NADK2: variants seen among roughly 807,000 people sequenced by gnomAD.
NADK2 encodes the protein NAD kinase domain-containing protein 1, mitochondrial.
A neutral mutation model predicts 62.1 loss-of-function variants in NADK2; 35 were observed. The observed-to-expected ratio is 0.56, with a 90% CI of 0.43 to 0.75. The LOEUF is 0.75. NADK2 is among the 30% of genes least tolerant of loss of function. The pLI, the probability that NADK2 is intolerant of heterozygous loss-of-function variation, is 0.00. For missense variants in NADK2, 439 were observed against 561.3 expected (o/e 0.78, Z 2.20); for synonymous variants, 205 against 207.9 (o/e 0.99, Z 0.12).
At chr5:36,199,617 A>G (rs992019059) in intron 10 of NADK2, among the ~76,000 whole-genome samples, 1 of 152,208 alleles carries the variant, frequency 6.6e-6, no homozygotes, top group Non-Finnish European at 1.5e-5. Context: ...AATTTAAAGA[A>G]TACATTTGAA....
At chr5:36,211,992 A>G (rs1746865991) in intron 6 of NADK2, 70 bp from the exon 7 acceptor site, 4 of 1,121,408 alleles carry the variant, frequency 3.6e-6, no homozygotes, top group Non-Finnish European at 5.3e-6. Context: ...TAAAAATTTT[A>G]TAAAACACTA....
intron 4 of NADK2, chr5:36,221,337 A>C (rs945076403): frequency 1.3e-5 from 2 of 152,330 alleles, no homozygotes; most frequent in African/African-American, 4.8e-5. Flanking sequence ...GCTGACATCT[A>C]CTTATCCTCA....
rs1746090224 is a variant in NADK2, at chr5:36,193,334, G to A, written c.*1810C>T. ...TACTAAAAATACAAAAAATTAGCCAGGCATAGTGGTGCCTGCCTGTAATCC... is the reference window on the plus strand; with the variant it reads ...TACTAAAAATACAAAAAATTAGCCAAGCATAGTGGTGCCTGCCTGTAATCC... On this transcript the variant is annotated 3_prime_UTR_variant, in exon 12 of 12. Coordinates refer to ENST00000381937, the MANE Select transcript of NADK2 (RefSeq NM_001085411.3). 6.6e-6 allele frequency: 1 copy of A among 152,074 alleles called. No homozygotes were observed. The allele number at this position is 152,074 out of a possible 1,614,324, so 9.4% of individuals were successfully genotyped here.
At chr5:36,231,377 T>C (rs973783796) in intron 1 of NADK2, among the ~76,000 whole-genome samples, 2 of 152,232 alleles carry the variant, frequency 1.3e-5, no homozygotes, top group African/African-American at 4.8e-5. Context: ...AGCAGAAATG[T>C]CAGTTCATAA....
At position 36,193,436 on chromosome 5, in the gene NADK2, T is replaced by TGCAGTCCA. The variant is rs1746096588; in HGVS notation, c.*1700_*1707dup. The TGCAGTCCA allele has an allele frequency of 7.3e-6, 1 of 137,588 alleles. No homozygotes were observed. Among genetic ancestry groups the TGCAGTCCA allele is most frequent in the Admixed American group, 8.0e-5 (1 of 12,568 alleles). The allele number at this position is 137,588 out of a possible 1,614,324, so 8.5% of individuals were successfully genotyped here. A position where few individuals can be genotyped will look rare whatever the true frequency, so the allele number is the denominator to read the frequency against. The stretch of plus-strand genomic sequence containing the variant: ...GGTTGCAGAGCCGAGATCATGCCAC[T>TGCAGTCCA]GCAGTCCAGCCTGGGTGACAAAGCA... On this transcript the variant is annotated 3_prime_UTR_variant, in exon 12 of 12. Transcript: ENST00000381937.
chr5:36,220,913 G>A (rs1237348086), intron 4 of NADK2: 1 of 152,208 alleles, frequency 6.6e-6, no homozygotes, highest in African/African-American at 2.4e-5. Flanking sequence ...CTGCTTGTGA[G>A]TATCCTCACA....
At chr5:36,215,853 C>T (rs1747022244) in intron 6 of NADK2, among the ~76,000 whole-genome samples, 1 of 152,106 alleles carries the variant, frequency 6.6e-6, no homozygotes, top group Non-Finnish European at 1.5e-5. Context: ...TACTGATGGA[C>T]ACTTTGACTC....
intron 1 of NADK2, among the ~76,000 whole-genome samples, chr5:36,236,812 C>T (rs1747924099): frequency 7.2e-6 from 1 of 139,268 alleles, no homozygotes; most frequent in Non-Finnish European, 1.5e-5. Context: ...AAGGCAGAGG[C>T]ACAGCAAGGT....
chr5:36,228,712 G>A lies in NADK2; in HGVS notation c.301-1147C>T, dbSNP rs117621846. Among the ~76,000 whole-genome samples, 1,838 of 151,280 alleles carry A rather than the reference G, an allele frequency of 0.012. 154 individuals carry two copies. In the East Asian group the frequency reaches 0.21, roughly 17 times the overall value. On this transcript the variant is annotated intron_variant, in intron 1 of 11. Transcript: ENST00000381937. ...CAGCTTACTGCAACCTCTGCCTCCC[G>A]GACTCAAGCCGCCCTCCCACCTCAG...
chr5:36,204,620 G>GT (rs774582238), intron 8 of NADK2, among the ~76,000 whole-genome samples: 2 of 151,888 alleles, frequency 1.3e-5, no homozygotes, highest in East Asian at 3.9e-4. Flanking sequence ...AAAGGATTAA[G>GT]TTTTTTTCAT....
At chr5:36,206,549 G>A (rs937958864) in intron 8 of NADK2, among the ~76,000 whole-genome samples, 2 of 151,992 alleles carry the variant, frequency 1.3e-5, no homozygotes, top group Non-Finnish European at 2.9e-5. Context: ...CTAGAGCATG[G>A]AGTCAGGGTA....
chr5:36,228,616 G>A (rs957467993), intron 1 of NADK2, among the ~76,000 whole-genome samples: 8 of 92,144 alleles, frequency 8.7e-5, no homozygotes, highest in African/African-American at 2.6e-4. Flanking sequence ...TACCTGTCTA[G>A]ACATGATTTT....
At position 36,195,474 on chromosome 5, in the gene NADK2, T is replaced by C. The variant is rs559708737; in HGVS notation, c.1191-192A>G. The stretch of plus-strand genomic sequence containing the variant: ...TCTCAAAACGTTCAGGATGGCACCA[T>C]TCGCTCAAGCATTTAGCAGTAAAGA... On this transcript the variant is annotated intron_variant, in intron 11 of 11. Transcript: ENST00000381937. Among the ~76,000 whole-genome samples, 8 of 152,262 alleles carry C rather than the reference T, an allele frequency of 5.3e-5. No homozygotes were observed. The East Asian group carries it at 1.3e-3, about 26-fold the overall frequency.
At chr5:36,210,757 G>T (rs1746811927) in intron 7 of NADK2, among the ~76,000 whole-genome samples, 1 of 152,144 alleles carries the variant, frequency 6.6e-6, no homozygotes, top group Non-Finnish European at 1.5e-5. Flanking sequence ...AAACAAGCAA[G>T]CAAACAAATC....
At chr5:36,227,277 C>T (rs1239111904) in intron 2 of NADK2, among the ~76,000 whole-genome samples, 200 bp downstream of exon 2, 1 of 152,130 alleles carries the variant, frequency 6.6e-6, no homozygotes, top group Non-Finnish European at 1.5e-5. Context: ...ATTGAAAACA[C>T]CTGTGACATT....
chr5:36,208,711 GA>G, intron 7 of NADK2: 1 of 1,484,242 alleles, frequency 6.7e-7, no homozygotes, highest in Non-Finnish European at 9.0e-7. Context: ...ACAAATAGGA[GA>G]AAAGAAAACA....
chr5:36,219,475 T>C, intron 5 of NADK2, 121 bp downstream of exon 5: 1 of 793,406 alleles, frequency 1.3e-6, no homozygotes. Flanking sequence ...CCTCCCAAAG[T>C]ACTGGGATTA....
intron 6 of NADK2, among the ~76,000 whole-genome samples, chr5:36,216,123 G>T (rs1452392665): frequency 1.3e-5 from 2 of 151,804 alleles, no homozygotes; most frequent in East Asian, 3.9e-4. Context: ...TTTTGATAAC[G>T]GCCATTCTAA....
chr5:36,195,428 T>C, intron 11 of NADK2, 146 bp from the exon 12 acceptor site: 1 of 796,906 alleles, frequency 1.3e-6, no homozygotes, highest in Non-Finnish European at 1.9e-6. Context: ...ACTATGTAAA[T>C]ATATGGGTAT....
Sources: allele counts gnomAD v4.1 joint callset (sites outside exome capture counted in the v4.1 genomes callset), GRCh38; gene constraint gnomAD v4.1.1; transcripts MANE v1.5; gene names NCBI Gene and HGNC (gene_info 2026-07-23, HGNC 2026-07-21).